The following APP variants were observed in gnomAD, a reference collection of about 807,000 sequenced individuals.
APP encodes the protein amyloid beta precursor protein.
Under a neutral mutation model 101.4 loss-of-function variants are expected in APP, and 31 were observed. That is an observed-to-expected ratio of 0.31 (90% confidence interval 0.23 to 0.41). APP has a LOEUF of 0.41. APP is among the 10% of genes least tolerant of loss of function. The pLI is 1.00. For synonymous variants in APP, 366 were observed against 364.4 expected (o/e 1.00, Z -0.05); for missense variants, 839 against 1,003.7 (o/e 0.84, Z 2.22).
At chr21:26,103,152 T>A (rs1275689879) in intron 2 of APP, among the ~76,000 whole-genome samples, 1 of 152,210 alleles carries the variant, frequency 6.6e-6, no homozygotes, top group Non-Finnish European at 1.5e-5. Context: ...AAGCATACTT[T>A]GTAATATTAC....
chr21:25,986,552 T>A (rs2042643783), intron 8 of APP, among the ~76,000 whole-genome samples: 2 of 151,966 alleles, frequency 1.3e-5, no homozygotes, highest in Admixed American at 6.6e-5. Flanking sequence ...ATAAAAAAAT[T>A]AGCAGGGTGT....
chr21:26,138,209 T>C (rs749012401), intron 1 of APP, among the ~76,000 whole-genome samples: 4 of 151,910 alleles, frequency 2.6e-5, no homozygotes, highest in Non-Finnish European at 4.4e-5. Context: ...GAAAAGAAAA[T>C]GGGGCAGGGG....
intron 1 of APP, among the ~76,000 whole-genome samples, chr21:26,128,601 T>C (rs866244247): frequency 2.6e-5 from 4 of 152,186 alleles, no homozygotes; most frequent in African/African-American, 7.2e-5. Flanking sequence ...TCATATCTAA[T>C]TCAGTGTTCT....
chr21:26,033,240 C>T (rs1256235679), intron 5 of APP, among the ~76,000 whole-genome samples: 1 of 152,204 alleles, frequency 6.6e-6, no homozygotes, highest in East Asian at 1.9e-4. Context: ...GAGTGGTTTC[C>T]CCATGCTGTT....
chr21:25,904,549 T>C (rs966740780), intron 15 of APP, among the ~76,000 whole-genome samples: 19 of 152,194 alleles, frequency 1.2e-4, no homozygotes, highest in African/African-American at 4.1e-4. Flanking sequence ...CAGGAAATCA[T>C]GTCTACTTCA....
chr21:26,015,465 A>G (rs888141334), intron 6 of APP, among the ~76,000 whole-genome samples: 3 of 152,252 alleles, frequency 2.0e-5, no homozygotes, highest in African/African-American at 7.2e-5. Context: ...TTACACAGTT[A>G]GTAGCTTGTA....
At chr21:26,163,267 A>C (rs1441202083) in intron 1 of APP, among the ~76,000 whole-genome samples, 1 of 127,530 alleles carries the variant, frequency 7.8e-6, no homozygotes, top group Non-Finnish European at 1.6e-5. Flanking sequence ...AAAAAAAAAA[A>C]ATCACCAAAA....
intron 15 of APP, among the ~76,000 whole-genome samples, chr21:25,899,841 G>C (rs1005563371): frequency 6.6e-6 from 1 of 152,074 alleles, no homozygotes; most frequent in African/African-American, 2.4e-5. Flanking sequence ...TTCTCATGTT[G>C]ATCTATCTCG....
chr21:25,886,888 G>A (rs559316687), intron 17 of APP, among the ~76,000 whole-genome samples: 1 of 152,090 alleles, frequency 6.6e-6, no homozygotes, highest in African/African-American at 2.4e-5. Flanking sequence ...CTTCTGGCCG[G>A]GAAGAAAGGA....
At chr21:26,044,820 T>C (rs1268741910) in intron 5 of APP, among the ~76,000 whole-genome samples, 3 of 152,184 alleles carry the variant, frequency 2.0e-5, no homozygotes, top group Non-Finnish European at 4.4e-5. Context: ...ATTACAGGCG[T>C]GAGCTACTGC....
intron 1 of APP, among the ~76,000 whole-genome samples, chr21:26,134,984 A>G (rs993071344): frequency 1.3e-5 from 2 of 152,130 alleles, no homozygotes; most frequent in Non-Finnish European, 2.9e-5. Context: ...TAAACTTCTC[A>G]CCACTCCACT....
chr21:26,163,239 CAAAAAAAA>C (rs58816061), intron 1 of APP, among the ~76,000 whole-genome samples: 51 of 58,824 alleles, frequency 8.7e-4, no homozygotes, highest in South Asian at 2.6e-3. Flanking sequence ...AACTCAGTCT[CAAAAAAAA>C]AAAAAAAAAA....
chr21:25,958,571 C>T (rs896618650), intron 11 of APP, among the ~76,000 whole-genome samples: 25 of 109,246 alleles, frequency 2.3e-4, no homozygotes, highest in Admixed American at 2.3e-3. Context: ...GACCAGTGCA[C>T]GGCCAATTAA....
chr21:25,952,352 T>A (rs1408861190), intron 13 of APP, among the ~76,000 whole-genome samples: 1 of 150,174 alleles, frequency 6.7e-6, no homozygotes, highest in African/African-American at 2.5e-5. Flanking sequence ...CACCCCCTAA[T>A]ATGTTCTTAA....
chr21:26,051,463 T>A lies in APP; in HGVS notation c.469-270A>T, dbSNP rs530021614. On this transcript the variant is annotated intron_variant, in intron 4 of 17. Transcript: ENST00000346798. Reference sequence around the variant, plus strand: ...TTATACGAACAACTGGAATGGAAACTAATTGGGAAATAAGATGTAGCAGTC... The same window carrying A: ...TTATACGAACAACTGGAATGGAAACAAATTGGGAAATAAGATGTAGCAGTC... Among the ~76,000 whole-genome samples, 6 of 152,244 alleles carry A rather than the reference T, an allele frequency of 3.9e-5. No homozygotes were observed. In the East Asian group the frequency reaches 1.2e-3, roughly 29 times the overall value.
At chr21:25,913,304 T>C (rs569568888) in intron 13 of APP, among the ~76,000 whole-genome samples, 8 of 152,352 alleles carry the variant, frequency 5.3e-5, no homozygotes, top group Non-Finnish European at 1.0e-4. Flanking sequence ...CCAAGCAAAT[T>C]AGTCCTTTTG....
At chr21:26,013,825 T>C (rs139175922) in intron 6 of APP, among the ~76,000 whole-genome samples, 147 of 152,290 alleles carry the variant, frequency 9.7e-4, no homozygotes, top group African/African-American at 3.3e-3. Context: ...CTTTCTAGAT[T>C]GAGACCATTA....
intron 8 of APP, among the ~76,000 whole-genome samples, chr21:25,991,556 T>C (rs2042865786): frequency 6.6e-6 from 1 of 152,190 alleles, no homozygotes; most frequent in African/African-American, 2.4e-5. Flanking sequence ...TTTTGTGTTT[T>C]TAGCAGAGAT....
intron 12 of APP, among the ~76,000 whole-genome samples, chr21:25,955,038 C>T (rs1203169836): frequency 6.6e-6 from 1 of 151,898 alleles, no homozygotes; most frequent in Non-Finnish European, 1.5e-5. Context: ...ATTCCTAATA[C>T]TGAGGCTCTC....
Sources: gnomAD v4.1 joint callset for allele counts (sites outside exome capture counted in the v4.1 genomes callset) on GRCh38, gnomAD v4.1.1 for gene constraint, MANE v1.5 for transcripts, NCBI Gene and HGNC (gene_info 2026-07-23, HGNC 2026-07-21) for gene names.